NRCAM: variants seen among roughly 807,000 people sequenced by gnomAD.
NRCAM encodes NgCAM-related cell adhesion molecule.
NRCAM carries 83 observed loss-of-function variants against 156.5 expected under a neutral mutation model. The observed-to-expected ratio is 0.53, with a 90% CI of 0.44 to 0.64. The LOEUF is 0.64. NRCAM is among the 30% of genes least tolerant of loss of function. The probability of loss-of-function intolerance (pLI) is 0.00; values close to 1 mark genes in which losing one functional copy is unlikely to be tolerated. For synonymous variants in NRCAM, 538 were observed against 563.9 expected (o/e 0.95, Z 0.65); for missense variants, 1,417 against 1,597.3 (o/e 0.89, Z 1.92).
intron 11 of NRCAM, among the ~76,000 whole-genome samples, chr7:108,219,892 G>A (rs1263218315): frequency 2.6e-5 from 4 of 152,090 alleles, no homozygotes; most frequent in East Asian, 3.8e-4. Flanking sequence ...ATCCAAATTC[G>A]TAAAGAGGAA....
chr7:108,213,789 A>C (rs925020497), intron 11 of NRCAM, among the ~76,000 whole-genome samples: 4 of 152,210 alleles, frequency 2.6e-5, no homozygotes, highest in African/African-American at 9.7e-5. Flanking sequence ...AATAGTCCTG[A>C]GAGTTTTTAG....
chr7:108,232,405 G>C lies in NRCAM; in HGVS notation c.348C>G (p.Thr116=), dbSNP rs150948949. ...CTGTACACTGATAGACTCCTTCATA[G>C]GTCTCAGCTTTCCCTTCGCTCATGA... ...INIMSEGKAE[T]YEGVYQCTAR... Residue 116 remains threonine, a synonymous_variant, in exon 7 of 33, where the codon ACC becomes ACG. Coordinates refer to ENST00000379028, the MANE Select transcript of NRCAM (RefSeq NM_001037132.4). 2.5e-5 allele frequency: 41 copies of C among 1,613,616 alleles called. No homozygotes were observed. Among genetic ancestry groups the C allele is most frequent in the Non-Finnish European group, 3.2e-5 (38 of 1,179,796 alleles).
chr7:108,314,352 G>GC (rs2154188254), intron 2 of NRCAM, among the ~76,000 whole-genome samples: 1 of 152,262 alleles, frequency 6.6e-6, no homozygotes, highest in Admixed American at 6.5e-5. Flanking sequence ...TAGGTCAAGA[G>GC]AATAGGGTAA....
intron 3 of NRCAM, among the ~76,000 whole-genome samples, chr7:108,272,997 G>C (rs2097427600): frequency 6.6e-6 from 1 of 152,122 alleles, no homozygotes; most frequent in African/African-American, 2.4e-5. Flanking sequence ...AACATGTGGT[G>C]TTTGGTTTTC....
At chr7:108,254,765 G>C (rs1196572369) in intron 3 of NRCAM, among the ~76,000 whole-genome samples, 2 of 151,940 alleles carry the variant, frequency 1.3e-5, no homozygotes, top group African/African-American at 4.8e-5. Flanking sequence ...TACCCAGACT[G>C]GTCTCGAATT....
intron 19 of NRCAM, 58 bp downstream of exon 19, chr7:108,191,196 T>C: frequency 7.1e-7 from 1 of 1,400,176 alleles, no homozygotes; most frequent in Non-Finnish European, 9.9e-7. Context: ...ATGAATACTT[T>C]CTGCAAATGT....
chr7:108,333,348 A>G (rs892760681), intron 2 of NRCAM, among the ~76,000 whole-genome samples: 10 of 152,204 alleles, frequency 6.6e-5, no homozygotes, highest in African/African-American at 2.4e-4. Context: ...TATACTACAT[A>G]GAAGTTTATT....
At chr7:108,391,671 G>A (rs1244740590) in intron 2 of NRCAM, among the ~76,000 whole-genome samples, 1 of 152,170 alleles carries the variant, frequency 6.6e-6, no homozygotes, top group African/African-American at 2.4e-5. Context: ...TCCTAGCCTT[G>A]ATGGTCTTTA....
At chr7:108,178,217 T>A in intron 25 of NRCAM, 105 bp from the exon 26 acceptor site, 2 of 1,160,508 alleles carry the variant, frequency 1.7e-6, no homozygotes, top group Non-Finnish European at 2.4e-6. Flanking sequence ...TGAGTTTCAG[T>A]AACTCATTCC....
In NRCAM at chr7:108,191,718, TTCGTTCTTACCAACAACGCTAAGCACAGC is replaced by T. The variant is rs1318829782; in HGVS notation, c.1885_1903+10del. 1 of 1,580,516 alleles carries T rather than the reference TTCGTTCTTACCAACAACGCTAAGCACAGC, an allele frequency of 6.3e-7. No individual in the cohort carries two copies. The highest frequency in any genetic ancestry group is 8.6e-7 in the Non-Finnish European group (1 of 1,161,014). ...GGAAGCCAGTTGTGCTATTTTTGTT[TTCGTTCTTACCAACAACGCTAAGCACAGC>T]GCTGGCGGAGACGCTGTCCAGAGTG... On this transcript the variant is annotated splice_donor_variant and splice_donor_5th_base_variant and coding_sequence_variant and intron_variant, in exon 18 of 33. Transcript: ENST00000379028. LOFTEE classifies it high-confidence loss of function.
At chr7:108,226,088 TG>T (rs2093401350) in intron 9 of NRCAM, 119 bp downstream of exon 9, 3 of 680,202 alleles carry the variant, frequency 4.4e-6, no homozygotes, top group Non-Finnish European at 7.5e-6. Flanking sequence ...TGAGCATTCA[TG>T]GGTGGCTTCC....
intron 1 of NRCAM, among the ~76,000 whole-genome samples, chr7:108,442,653 T>C (rs569693052): frequency 2.0e-5 from 3 of 152,344 alleles, no homozygotes; most frequent in East Asian, 3.9e-4. Flanking sequence ...ACTGGTCCCA[T>C]GCTAGTACAT....
intron 30 of NRCAM, 113 bp from the exon 31 acceptor site, chr7:108,160,605 T>C (rs2048332001): frequency 3.9e-6 from 3 of 774,780 alleles, no homozygotes; most frequent in East Asian, 5.9e-5. Flanking sequence ...ATATTTTACA[T>C]GTGGCCCCAA....
chr7:108,443,059 T>G (rs1840397771), intron 1 of NRCAM, among the ~76,000 whole-genome samples: 1 of 152,112 alleles, frequency 6.6e-6, no homozygotes. Context: ...TGGCAAATGG[T>G]CCATGTATTA....
At chr7:108,167,830 A>C (rs1405243553) in intron 29 of NRCAM, among the ~76,000 whole-genome samples, 1 of 152,136 alleles carries the variant, frequency 6.6e-6, no homozygotes, top group Non-Finnish European at 1.5e-5. Flanking sequence ...CAAAGTATTA[A>C]TTTTCTGCGG....
In NRCAM at chr7:108,194,280, C is replaced by A. The variant is rs917880629; in HGVS notation, c.1612G>T (p.Val538Phe). The A allele has an allele frequency of 6.2e-7, 1 of 1,612,136 alleles. No homozygotes were observed. The highest frequency in any genetic ancestry group is 8.5e-7 in the Non-Finnish European group (1 of 1,178,448). Residue 538 changes from valine to phenylalanine, a missense_variant, in exon 16 of 33, where the codon GTT becomes TTT. Physicochemically the swap from Val to Phe is conservative, Grantham distance 50. Around this residue, in one of 2 missense-constraint regions of NRCAM, gnomAD observed 1,238 missense variants for 1,336.4 expected, o/e 0.93. Coordinates refer to ENST00000379028, the MANE Select transcript of NRCAM (RefSeq NM_001037132.4). ...RNKLGMAKNE[V>F]HLEIKDPTWI... ...GCCTTACCTTTGATTTCTAAGTGAA[C>A]TTCATTCTTCGCCATCCCTAATTTA... is the stretch of plus-strand genomic sequence containing the variant.
chr7:108,177,947 A>AC, intron 26 of NRCAM, 43 bp downstream of exon 26: 1 of 1,547,116 alleles, frequency 6.5e-7, no homozygotes, highest in Non-Finnish European at 8.7e-7. Context: ...AATAAATAAA[A>AC]TAAAAAAACA....
At chr7:108,234,849 C>A (rs1323784067) in intron 5 of NRCAM, 161 bp from the exon 6 acceptor site, 1 of 759,632 alleles carries the variant, frequency 1.3e-6, no homozygotes, top group South Asian at 1.4e-5. Flanking sequence ...GATTTTTCTG[C>A]TAAAGGTCTG....
rs10265378 is a variant in NRCAM at position 108,162,976 on chromosome 7, A to G, written c.3467-2484T>C. On this transcript the variant is annotated intron_variant, in intron 30 of 32. Transcript: ENST00000379028. ...AAATCACCTGGGACATACAAATCCA[A>G]GCCATAACCATGATCATGCATCACA... is the stretch of plus-strand genomic sequence containing the variant. 4.1e-3 allele frequency among the ~76,000 whole-genome samples: 628 copies of G among 152,258 alleles called. 5 individuals carry two copies. The highest frequency in any genetic ancestry group is 0.014 in the African/African-American group (593 of 41,552).
Sources: gnomAD v4.1 joint callset for allele counts (sites outside exome capture counted in the v4.1 genomes callset) on GRCh38, gnomAD v4.1.1 for gene constraint, gnomAD v4.1.1 regional missense constraint, MANE v1.5 for transcripts, NCBI Gene and HGNC (gene_info 2026-07-23, HGNC 2026-07-21) for gene names.